Variants in ELAPOR2 observed in about 807,000 individuals in gnomAD.
ELAPOR2 encodes the protein endosome/lysosome-associated apoptosis and autophagy regulator family member 2.
ELAPOR2 carries 89 observed loss-of-function variants against 120.7 expected under a neutral mutation model. The observed-to-expected ratio is 0.74, with a 90% confidence interval of 0.62 to 0.88. The LOEUF (loss-of-function observed/expected upper bound fraction) is 0.88, where lower values mean the gene tolerates loss of function less well. Among genes scored for constraint, ELAPOR2 ranks in the 40% least tolerant of loss-of-function variants. The probability of loss-of-function intolerance (pLI) is 0.00; values close to 1 mark genes in which losing one functional copy is unlikely to be tolerated. For missense variants in ELAPOR2, 1,134 were observed against 1,251.6 expected (o/e 0.91, Z 1.42); for synonymous variants, 444 against 444.9 (o/e 1.00, Z 0.03).
chr7:87,000,971 T>C (rs764217973), intron 1 of ELAPOR2, among the ~76,000 whole-genome samples: 1 of 152,180 alleles, frequency 6.6e-6, no homozygotes, highest in Non-Finnish European at 1.5e-5. Flanking sequence ...TAAATGGAAA[T>C]ATTGTAACTC....
intron 2 of ELAPOR2, among the ~76,000 whole-genome samples, chr7:86,951,260 G>C (rs1208017917): frequency 6.6e-6 from 1 of 152,132 alleles, no homozygotes; most frequent in African/African-American, 2.4e-5. Flanking sequence ...TGCCCACAAA[G>C]ACAAAAATAT....
At chr7:86,884,870 A>C (rs924439667) in intron 21 of ELAPOR2, among the ~76,000 whole-genome samples, 12 of 152,316 alleles carry the variant, frequency 7.9e-5, no homozygotes, top group Non-Finnish European at 1.8e-4. Flanking sequence ...GCAATCTATC[A>C]TGCAAATTTT....
chr7:86,895,733 C>A (rs1788408576), intron 19 of ELAPOR2, among the ~76,000 whole-genome samples: 1 of 151,920 alleles, frequency 6.6e-6, no homozygotes, highest in Non-Finnish European at 1.5e-5. Flanking sequence ...CATTACCTTC[C>A]AGGAGAGAAA....
chr7:86,940,148 G>A (rs766532965), intron 5 of ELAPOR2, 33 bp from the exon 6 acceptor site: 2 of 1,360,382 alleles, frequency 1.5e-6, no homozygotes, highest in Admixed American at 3.6e-5. Context: ...ACTTAGGGCA[G>A]ATAAGCCATG....
chr7:86,996,827 T>C (rs1767740), intron 1 of ELAPOR2, among the ~76,000 whole-genome samples: 57,528 of 152,004 alleles, frequency 0.38, 11,746 homozygotes, highest in African/African-American at 0.53. Context: ...CTTCCTCCCA[T>C]GCCTGGCAAA....
At chr7:86,911,849 T>A in intron 15 of ELAPOR2, 1 of 591,386 alleles carries the variant, frequency 1.7e-6, no homozygotes, top group Non-Finnish European at 3.0e-6. Context: ...AGGTTTCAAC[T>A]GACTGCATAA....
chr7:87,020,186 T>C (rs940163255), intron 1 of ELAPOR2, among the ~76,000 whole-genome samples: 6 of 152,154 alleles, frequency 3.9e-5, no homozygotes, highest in Non-Finnish European at 8.8e-5. Flanking sequence ...CATATGTATA[T>C]GTGTGCATAT....
chr7:86,917,373 C>T (rs866050105), intron 12 of ELAPOR2, among the ~76,000 whole-genome samples: 11 of 152,114 alleles, frequency 7.2e-5, no homozygotes, highest in African/African-American at 2.4e-4. Context: ...GCCGAGATCG[C>T]ACCACTGCAC....
chr7:86,995,397 T>C (rs1413891793), intron 1 of ELAPOR2, among the ~76,000 whole-genome samples: 2 of 152,218 alleles, frequency 1.3e-5, no homozygotes, highest in Admixed American at 1.3e-4. Flanking sequence ...TTTAGTTTTC[T>C]GTAGTTAGCC....
chr7:86,931,612 C>T (rs1178529720), intron 8 of ELAPOR2, among the ~76,000 whole-genome samples: 1 of 151,784 alleles, frequency 6.6e-6, no homozygotes, highest in Non-Finnish European at 1.5e-5. Context: ...TACTAAGTCT[C>T]ACTAATTCAA....
chr7:86,890,369 C>T (rs1255801603), intron 21 of ELAPOR2, among the ~76,000 whole-genome samples: 1 of 151,896 alleles, frequency 6.6e-6, no homozygotes. Context: ...AGGTATGCTA[C>T]CTGTCCAAAA....
chr7:86,955,958 C>CA (rs111479978), intron 2 of ELAPOR2, among the ~76,000 whole-genome samples: 4,161 of 110,794 alleles, frequency 0.038, 109 homozygotes, highest in East Asian at 0.17. Flanking sequence ...CTGCAAAAAA[C>CA]AAAAAAAAAA....
intron 1 of ELAPOR2, among the ~76,000 whole-genome samples, chr7:86,999,332 T>A (rs570615986): frequency 6.6e-6 from 1 of 152,168 alleles, no homozygotes; most frequent in Non-Finnish European, 1.5e-5. Flanking sequence ...TTTGCTTTGC[T>A]GTAGGAACAA....
intron 1 of ELAPOR2, among the ~76,000 whole-genome samples, chr7:86,967,332 C>T (rs1290169000): frequency 4.6e-5 from 7 of 151,922 alleles, no homozygotes; most frequent in Admixed American, 1.3e-4. Flanking sequence ...TGGTGGTGTG[C>T]GCTTCCCAGC....
At chr7:87,041,322 A>G (rs1794778500) in intron 1 of ELAPOR2, among the ~76,000 whole-genome samples, 1 of 152,184 alleles carries the variant, frequency 6.6e-6, no homozygotes, top group East Asian at 1.9e-4. Flanking sequence ...CAGATTCACC[A>G]AAGTTGAAAT....
At chr7:86,899,912 T>A (rs931904203) in intron 18 of ELAPOR2, among the ~76,000 whole-genome samples, 3 of 152,016 alleles carry the variant, frequency 2.0e-5, no homozygotes, top group African/African-American at 4.8e-5. Flanking sequence ...GGTTTTTTTT[T>A]AAAGTAAGTA....
At chr7:87,014,934 T>C (rs75498734) in intron 1 of ELAPOR2, among the ~76,000 whole-genome samples, 5,392 of 152,182 alleles carry the variant, frequency 0.035, 117 homozygotes, top group African/African-American at 0.049. Context: ...TCAAATTGTA[T>C]ACATTAAAGA....
At chr7:86,942,763 A>G (rs1005324933) in intron 4 of ELAPOR2, among the ~76,000 whole-genome samples, 3 of 152,042 alleles carry the variant, frequency 2.0e-5, no homozygotes, top group African/African-American at 7.2e-5. Context: ...CTACTTTTCC[A>G]GGTCTACAAT....
At chr7:86,946,159 T>TCACACACACACACA (rs3223108) in intron 3 of ELAPOR2, among the ~76,000 whole-genome samples, 6,916 of 146,266 alleles carry the variant, frequency 0.047, 179 homozygotes, top group South Asian at 0.069. Context: ...ATACCATTTC[T>TCACACACACACACA]CACACACACA....
Sources: allele counts gnomAD v4.1 joint callset (sites outside exome capture counted in the v4.1 genomes callset), GRCh38; gene constraint gnomAD v4.1.1; transcripts MANE v1.5; gene names NCBI Gene and HGNC (gene_info 2026-07-23, HGNC 2026-07-21).